Variants in ISG20 observed in about 807,000 individuals in gnomAD.
ISG20 encodes the protein interferon stimulated exonuclease gene 20.
A neutral mutation model predicts 11.1 loss-of-function variants in ISG20; 8 were observed. The ratio of observed to expected loss-of-function variants is 0.72; its 90% CI spans 0.42 to 1.30. The LOEUF (loss-of-function observed/expected upper bound fraction) is 1.30. ISG20 is among the 50% of genes most tolerant of loss of function. The pLI, the probability that ISG20 is intolerant of heterozygous loss-of-function variation, is 0.01. For synonymous variants in ISG20, 110 were observed against 101.7 expected (o/e 1.08, Z -0.49); for missense variants, 243 against 250.2 (o/e 0.97, Z 0.19).
At chr15:88,645,018 T>C (rs558677994) in intron 2 of ISG20, among the ~76,000 whole-genome samples, 2 of 152,332 alleles carry the variant, frequency 1.3e-5, no homozygotes, top group South Asian at 4.1e-4. Flanking sequence ...AGAAATGCTT[T>C]TGTTTCTCAG....
chr15:88,641,810 T>C (rs2058085651), intron 2 of ISG20, among the ~76,000 whole-genome samples: 1 of 152,074 alleles, frequency 6.6e-6, no homozygotes, highest in South Asian at 2.1e-4. Context: ...TTTTGTATTT[T>C]TAGTAGAGAT....
chr15:88,642,624 G>GTTA (rs1198400148), intron 2 of ISG20, among the ~76,000 whole-genome samples: 1 of 151,870 alleles, frequency 6.6e-6, no homozygotes, highest in Non-Finnish European at 1.5e-5. Flanking sequence ...TGGATTTTTT[G>GTTA]TTGTTGTTTT....
At chr15:88,647,877 G>A (rs2058205256) in intron 2 of ISG20, 1 of 152,228 alleles carries the variant, frequency 6.6e-6, no homozygotes, top group Non-Finnish European at 1.5e-5. Flanking sequence ...AGAGGTTTCA[G>A]CTGTAGCCAG....
upstream of ISG20, among the ~76,000 whole-genome samples, chr15:88,637,706 G>C (rs577183242): frequency 1.3e-5 from 2 of 152,290 alleles, no homozygotes; most frequent in Non-Finnish European, 2.9e-5. Context: ...CAGCAAACAT[G>C]TTCCTGTCTG....
intron 2 of ISG20, among the ~76,000 whole-genome samples, chr15:88,640,063 G>A (rs937207113): frequency 1.3e-5 from 2 of 152,226 alleles, no homozygotes; most frequent in Admixed American, 6.5e-5. Context: ...AGAGTAGGCT[G>A]TCTGCTCAGT....
chr15:88,651,765 CATAAT>C (rs1289800581), intron 2 of ISG20: 6 of 1,070,216 alleles, frequency 5.6e-6, no homozygotes, highest in Non-Finnish European at 1.1e-6. Context: ...TTCTGCCTGC[CATAAT>C]AGAATTGTTG....
At chr15:88,646,421 C>A (rs1364736406) in intron 2 of ISG20, among the ~76,000 whole-genome samples, 1 of 152,130 alleles carries the variant, frequency 6.6e-6, no homozygotes, top group Non-Finnish European at 1.5e-5. Flanking sequence ...TGTTCAGATC[C>A]CATGCTCAGT....
In ISG20 at chr15:88,643,560, C is replaced by T. The variant is rs367577095; in HGVS notation, c.228+3966C>T. On this transcript the variant is annotated intron_variant, in intron 2 of 3. Transcript: ENST00000306072. This position sits in a 1 kb window ranked among gnomAD's most constrained non-coding sequence, Gnocchi z 4.4. ...CTCTACTGAAAATGCAAAAATTAGCCGGGTGTGGTGGTGGGTGCCTGTAAT... is the reference window on the plus strand; with the variant it reads ...CTCTACTGAAAATGCAAAAATTAGCTGGGTGTGGTGGTGGGTGCCTGTAAT... 2.0e-5 allele frequency among the ~76,000 whole-genome samples: 3 copies of T among 151,950 alleles called. No homozygotes were observed. The highest frequency in any genetic ancestry group is 4.8e-5 in the African/African-American group (2 of 41,358).
intron 2 of ISG20, 160 bp from the exon 3 acceptor site, chr15:88,651,950 A>G: frequency 6.9e-7 from 1 of 1,449,420 alleles, no homozygotes; most frequent in Admixed American, 2.6e-5. Context: ...TCCTAGTGCA[A>G]TCTCTTCTTT....
At chr15:88,644,442 G>A (rs1298026367) in intron 2 of ISG20, among the ~76,000 whole-genome samples, 3 of 150,080 alleles carry the variant, frequency 2.0e-5, no homozygotes, top group Admixed American at 6.7e-5. Flanking sequence ...TGAGGCAGGA[G>A]AATTGCTTGA....
At position 88,639,999 on chromosome 15, in the gene ISG20, G is replaced by A. The variant is rs1361767187; in HGVS notation, c.228+405G>A. Among the ~76,000 whole-genome samples, 1 of 152,234 alleles carries A rather than the reference G, an allele frequency of 6.6e-6. No homozygotes were observed. ...AGGCTTTGGCCCTCCCAGTCCTGGAGAACAGGCTGAGCCTCGGGCTGAGGA... is the reference window on the plus strand; with the variant it reads ...AGGCTTTGGCCCTCCCAGTCCTGGAAAACAGGCTGAGCCTCGGGCTGAGGA... On this transcript the variant is annotated intron_variant, in intron 2 of 3. Coordinates refer to ENST00000306072, the MANE Select transcript of ISG20 (RefSeq NM_002201.6). The surrounding 1 kb of genome is among the most constrained non-coding windows in gnomAD (Gnocchi z 4.2).
intron 2 of ISG20, among the ~76,000 whole-genome samples, chr15:88,646,165 T>G (rs1279339938): frequency 6.6e-6 from 1 of 152,212 alleles, no homozygotes; most frequent in Non-Finnish European, 1.5e-5. Context: ...AGCTTGTTGC[T>G]CAACCTCTCT....
chr15:88,645,329 T>A (rs1231354645), intron 2 of ISG20, among the ~76,000 whole-genome samples: 3 of 152,092 alleles, frequency 2.0e-5, no homozygotes, highest in Non-Finnish European at 2.9e-5. Context: ...CGGTGCCTGG[T>A]TCACAGCTGA....
intron 2 of ISG20, among the ~76,000 whole-genome samples, chr15:88,642,805 C>T (rs752251363): frequency 1.3e-5 from 2 of 151,858 alleles, no homozygotes; most frequent in Non-Finnish European, 2.9e-5. Context: ...TCAGTAGAGA[C>T]GGGGTTTCAC....
intron 2 of ISG20, among the ~76,000 whole-genome samples, chr15:88,646,024 C>G (rs913050014): frequency 6.6e-6 from 1 of 152,188 alleles, no homozygotes; most frequent in Non-Finnish European, 1.5e-5. Context: ...TGTCTCTGCC[C>G]TGTGTTGGCC....
intron 2 of ISG20, among the ~76,000 whole-genome samples, chr15:88,646,170 C>G (rs891284691): frequency 2.6e-5 from 4 of 152,186 alleles, no homozygotes; most frequent in African/African-American, 9.7e-5. Flanking sequence ...GTTGCTCAAC[C>G]TCTCTGTGCT....
intron 2 of ISG20, chr15:88,647,736 TA>T (rs1450392479): frequency 6.6e-6 from 1 of 152,240 alleles, no homozygotes; most frequent in East Asian, 1.9e-4. Context: ...TAGTAACTTG[TA>T]AATCAGTTTT....
At chr15:88,636,859 A>T (rs368632678), upstream of ISG20, among the ~76,000 whole-genome samples, 131 of 152,284 alleles carry the variant, frequency 8.6e-4, 2 homozygotes, top group Middle Eastern at 0.01. Flanking sequence ...GAGGTCAGGG[A>T]CAGCTTCATG....
At chr15:88,653,899 A>G (rs564956781) in intron 3 of ISG20, among the ~76,000 whole-genome samples, 1 of 152,304 alleles carries the variant, frequency 6.6e-6, no homozygotes, top group African/African-American at 2.4e-5. Context: ...TGGGCTGCAC[A>G]GGAAAGGAAA....
Sources: allele counts gnomAD v4.1 joint callset (sites outside exome capture counted in the v4.1 genomes callset), GRCh38; gene constraint gnomAD v4.1.1; non-coding constraint Gnocchi (gnomAD v3.1); transcripts MANE v1.5; gene names NCBI Gene and HGNC (gene_info 2026-07-23, HGNC 2026-07-21).